CERS4: variants seen among roughly 807,000 people sequenced by gnomAD.
CERS4 encodes ceramide synthase 4, also known as LAG1 homolog, ceramide synthase 4.
A neutral mutation model predicts 51.8 loss-of-function variants in CERS4; 65 were observed. The observed-to-expected ratio is 1.26, with a 90% confidence interval of 1.03 to 1.54. The LOEUF (loss-of-function observed/expected upper bound fraction) is 1.54, where lower values mean the gene tolerates loss of function less well. Ranked by LOEUF, CERS4 falls within the 40% of genes most tolerant of loss-of-function variation. The pLI is 0.00. For missense variants in CERS4, 563 were observed against 500.4 expected, an observed-to-expected ratio of 1.13 and a Z score of -1.19; for synonymous variants, 228 against 208.4, an observed-to-expected ratio of 1.09 and a Z score of -0.81.
At chr19:8,235,718 C>T (rs989883884) in intron 2 of CERS4, among the ~76,000 whole-genome samples, 1 of 150,364 alleles carries the variant, frequency 6.7e-6, no homozygotes, top group Non-Finnish European at 1.5e-5. Flanking sequence ...TGAGACCCTC[C>T]CCCCAATCTC....
Position 8,220,583 on chromosome 19 carries a change from G to T in CERS4, c.-2+9721G>T, listed in dbSNP as rs188084869. 3.4e-3 allele frequency among the ~76,000 whole-genome samples: 523 copies of T among 152,196 alleles called. 1 individual carries two copies. The highest frequency in any genetic ancestry group is 0.01 in the Middle Eastern group (3 of 292). On this transcript the variant is annotated intron_variant, in intron 2 of 11. Coordinates refer to ENST00000251363, the MANE Select transcript of CERS4 (RefSeq NM_024552.3). ...GCCTCCCAAAGTACTGGGAATACAG[G>T]CATGAGCCACCGCGTCCGGCTGAGC...
In CERS4 at chr19:8,245,127, A is replaced by AACAAAAAAACAAAAC. The variant is rs1568523523; in HGVS notation, c.-1-5948_-1-5947insCAAAAAAACAAAACA. On this transcript the variant is annotated intron_variant, in intron 2 of 11. Coordinates refer to ENST00000251363, the MANE Select transcript of CERS4 (RefSeq NM_024552.3). ...ACTCCATCTCAAAAAAAAAAAAAAAAAAAAAAAACACTCTTGGCTTCAAGC... is the reference window on the plus strand; with the variant it reads ...ACTCCATCTCAAAAAAAAAAAAAAAAACAAAAAAACAAAACAAAAAAAACACTCTTGGCTTCAAGC... Among the ~76,000 whole-genome samples the AACAAAAAAACAAAAC allele has an allele frequency of 6.5e-4, 92 of 142,278 alleles. 1 individual carries two copies. The highest frequency in any genetic ancestry group is 1.1e-3 in the Non-Finnish European group (74 of 66,858). The allele number at this position is 142,278 out of a possible 152,430, so 93.3% of individuals were successfully genotyped here.
chr19:8,261,403 A>G, intron 10 of CERS4: 1 of 433,056 alleles, frequency 2.3e-6, no homozygotes, highest in Admixed American at 3.6e-5. Context: ...AAGCTGCCAG[A>G]GTGCCACCCA....
intron 2 of CERS4, among the ~76,000 whole-genome samples, chr19:8,239,905 A>C (rs1968452016): frequency 6.6e-6 from 1 of 152,128 alleles, no homozygotes; most frequent in Admixed American, 6.6e-5. Context: ...TACAGCAGTG[A>C]CTCAAACAAC....
intron 2 of CERS4, among the ~76,000 whole-genome samples, chr19:8,247,153 G>A (rs1158006858): frequency 6.6e-6 from 1 of 152,176 alleles, no homozygotes; most frequent in Non-Finnish European, 1.5e-5. Context: ...GCGGCAGAGT[G>A]AGACTCCATC....
At chr19:8,255,448 C>T (rs929835912) in intron 4 of CERS4, among the ~76,000 whole-genome samples, 159 bp from the exon 5 acceptor site, 10 of 152,332 alleles carry the variant, frequency 6.6e-5, no homozygotes, top group Admixed American at 2.0e-4. Context: ...CAGGGCCCCA[C>T]GCTGGGACCC....
chr19:8,254,321 T>TGAAAAAAAAA (rs1969250705), intron 3 of CERS4, among the ~76,000 whole-genome samples, 178 bp from the exon 4 acceptor site: 1 of 6,148 alleles, frequency 1.6e-4, no homozygotes, highest in Non-Finnish European at 1.3e-3. Context: ...ATACTCTGTC[T>TGAAAAAAAAA]CAAAAAAAAA....
chr19:8,254,629 C>G lies in CERS4; in HGVS notation c.291+13C>G. The G allele has an allele frequency of 1.3e-6, 2 of 1,595,430 alleles. No individual in the cohort carries two copies. Among genetic ancestry groups the G allele is most frequent in the Non-Finnish European group, 1.7e-6 (2 of 1,171,276 alleles). ...CAGGCCCAAGGAGGTGAGAGCCCCC[C>G]ATGCCCTCCGACCCGCACTACTGCC... On this transcript the variant is annotated intron_variant, in intron 4 of 11. Coordinates refer to ENST00000251363, the MANE Select transcript of CERS4 (RefSeq NM_024552.3).
intron 4 of CERS4, 48 bp from the exon 5 acceptor site, chr19:8,255,559 G>GCCA: frequency 6.6e-7 from 1 of 1,523,118 alleles, no homozygotes; most frequent in South Asian, 1.2e-5. Context: ...CATGGGGGAA[G>GCCA]CCACCACAGG....
intron 10 of CERS4, among the ~76,000 whole-genome samples, chr19:8,258,964 T>A (rs1017224536): frequency 1.3e-5 from 2 of 150,072 alleles, no homozygotes; most frequent in Non-Finnish European, 3.0e-5. Context: ...AGAAACCCTG[T>A]CTCTACTGAA....
At chr19:8,238,077 G>T (rs1451589404) in intron 2 of CERS4, among the ~76,000 whole-genome samples, 5 of 151,936 alleles carry the variant, frequency 3.3e-5, no homozygotes, top group African/African-American at 9.7e-5. Flanking sequence ...CACCTCTGGG[G>T]CTGGGGACTG....
At position 8,256,871 on chromosome 19, in the gene CERS4, A is replaced by G. The variant is rs78952160; in HGVS notation, c.613-78A>G. ...GAGGCCACACCAACCCCCTGAAAGG[A>G]CCCACTTCTTGGCCCATAGGGTGGG... is the stretch of plus-strand genomic sequence containing the variant. On this transcript the variant is annotated intron_variant, in intron 8 of 11. Coordinates refer to ENST00000251363, the MANE Select transcript of CERS4 (RefSeq NM_024552.3). 2.1e-5 allele frequency: 33 copies of G among 1,608,244 alleles called. No homozygotes were observed. In the East Asian group the frequency reaches 4.5e-4, roughly 22 times the overall value.
At chr19:8,216,252 G>T (rs1001312069) in intron 2 of CERS4, among the ~76,000 whole-genome samples, 1 of 151,838 alleles carries the variant, frequency 6.6e-6, no homozygotes, top group African/African-American at 2.4e-5. Context: ...GGTGGTGGGC[G>T]CCTGTAATCC....
chr19:8,236,461 G>A (rs952526754), intron 2 of CERS4, among the ~76,000 whole-genome samples: 3 of 151,910 alleles, frequency 2.0e-5, no homozygotes, highest in African/African-American at 7.3e-5. Flanking sequence ...GGAGGCCAAG[G>A]CAAGAGGAAC....
At chr19:8,241,641 G>A (rs946877803) in intron 2 of CERS4, among the ~76,000 whole-genome samples, 6 of 152,046 alleles carry the variant, frequency 3.9e-5, no homozygotes, top group African/African-American at 9.7e-5. Context: ...GTGCCATTCC[G>A]AACCACTCCA....
intron 4 of CERS4, 40 bp downstream of exon 4, chr19:8,254,656 T>TGGGGGTG (rs1555779462): frequency 6.5e-7 from 1 of 1,544,596 alleles, no homozygotes; most frequent in South Asian, 1.2e-5. Context: ...ACTACTGCCC[T>TGGGGGTG]GGGGGTGGGG....
At chr19:8,230,208 T>C (rs149136111) in intron 2 of CERS4, among the ~76,000 whole-genome samples, 2 of 152,252 alleles carry the variant, frequency 1.3e-5, no homozygotes, top group East Asian at 3.9e-4. Flanking sequence ...TTCTTTTTTT[T>C]GAGACGGAGT....
At chr19:8,221,872 G>GTTTTTTTTTTTTTTTTTTT (rs71165297) in intron 2 of CERS4, among the ~76,000 whole-genome samples, 4 of 39,468 alleles carry the variant, frequency 1.0e-4, no homozygotes, top group Non-Finnish European at 9.5e-5. Flanking sequence ...ATTTTTTTAT[G>GTTTTTTTTTTTTTTTTTTT]TTTTTTTTTT....
At chr19:8,249,206 A>ATGGG (rs1188278813) in intron 2 of CERS4, among the ~76,000 whole-genome samples, 2 of 148,516 alleles carry the variant, frequency 1.3e-5, no homozygotes, top group African/African-American at 5.0e-5. Context: ...TGGATGGACG[A>ATGGG]TGGGTGGATG....
Sources: allele counts gnomAD v4.1 joint callset (sites outside exome capture counted in the v4.1 genomes callset), GRCh38; gene constraint gnomAD v4.1.1; transcripts MANE v1.5; gene names NCBI Gene and HGNC (gene_info 2026-07-23, HGNC 2026-07-21).